Variants in ADAM12 observed in about 807,000 individuals in gnomAD.
ADAM12 encodes disintegrin and metalloproteinase domain-containing protein 12.
Under a neutral mutation model 106.4 loss-of-function variants are expected in ADAM12, and 70 were observed. That is an observed-to-expected ratio of 0.66 (90% confidence interval 0.54 to 0.80). ADAM12 has a LOEUF of 0.80. Ranked by LOEUF, ADAM12 falls within the 30% of genes least tolerant of loss-of-function variation. The pLI is 0.00. For missense variants in ADAM12, 1,010 were observed against 1,171.9 expected, an observed-to-expected ratio of 0.86 and a Z score of 2.02; for synonymous variants, 420 against 433.5, an observed-to-expected ratio of 0.97 and a Z score of 0.39.
chr10:126,356,898 C>T (rs1228913849), intron 1 of ADAM12, among the ~76,000 whole-genome samples: 1 of 151,966 alleles, frequency 6.6e-6, no homozygotes, highest in Non-Finnish European at 1.5e-5. Context: ...AGAATTGAAG[C>T]AGATAATTTA....
At chr10:126,102,560 C>T (rs1955687326) in intron 8 of ADAM12, among the ~76,000 whole-genome samples, 1 of 152,230 alleles carries the variant, frequency 6.6e-6, no homozygotes, top group African/African-American at 2.4e-5. Flanking sequence ...CATCTTTTCC[C>T]TTGCTGGTCC....
At chr10:126,231,447 A>G in intron 3 of ADAM12, among the ~76,000 whole-genome samples, 1 of 151,784 alleles carries the variant, frequency 6.6e-6, no homozygotes, top group Non-Finnish European at 1.5e-5. Context: ...TGTCTTAATA[A>G]TATCTACCCT....
intron 14 of ADAM12, among the ~76,000 whole-genome samples, chr10:126,050,195 C>A (rs1302169781): frequency 1.3e-5 from 2 of 152,080 alleles, no homozygotes; most frequent in South Asian, 2.1e-4. Flanking sequence ...CTTTTAATAC[C>A]TTCTATTTTA....
At chr10:126,369,079 T>C (rs1261417538) in intron 1 of ADAM12, among the ~76,000 whole-genome samples, 3 of 152,242 alleles carry the variant, frequency 2.0e-5, no homozygotes, top group Non-Finnish European at 4.4e-5. Context: ...CACTAATATA[T>C]ACTAACTACC....
Position 126,049,653 on chromosome 10 carries a change from A to T in ADAM12, c.1626T>A (p.Pro542=). 6.2e-7 allele frequency: 1 copy of T among 1,614,172 alleles called. No individual in the cohort carries two copies. ...AATTGACTCTCTCAAAGCAGATCCC[A>T]GGGGCAGGTTTAGCACCTGAAACAG... The part of the protein sequence containing the change: ...TLWGPGAKPA[P]GICFERVNSA... The change falls in exon 15 of 23, where the codon CCT becomes CCA. Residue 542 remains proline (P), a synonymous_variant. Transcript: ENST00000448723. The surrounding 1 kb of genome is among the most constrained non-coding windows in gnomAD (Gnocchi z 4.4).
intron 3 of ADAM12, among the ~76,000 whole-genome samples, chr10:126,222,782 T>C (rs1235187117): frequency 6.6e-6 from 1 of 152,192 alleles, no homozygotes; most frequent in African/African-American, 2.4e-5. Context: ...TTCACACTTT[T>C]ATAGATCCAG....
intron 14 of ADAM12, among the ~76,000 whole-genome samples, chr10:126,061,945 C>T (rs554747733): frequency 4.6e-5 from 7 of 152,212 alleles, no homozygotes; most frequent in South Asian, 2.1e-4. Flanking sequence ...GCGGAAACAC[C>T]GACAAGGGGA....
At chr10:126,020,648 T>C (rs1026238359) in intron 21 of ADAM12, among the ~76,000 whole-genome samples, 1 of 152,166 alleles carries the variant, frequency 6.6e-6, no homozygotes, top group African/African-American at 2.4e-5. Flanking sequence ...ATAATAGTTA[T>C]TAATATCAGC....
At position 126,238,250 on chromosome 10, in the gene ADAM12, C is replaced by T. The variant is rs191926145; in HGVS notation, c.260+40665G>A. On this transcript the variant is annotated intron_variant, in intron 3 of 22. Transcript: ENST00000448723. ...ATCTCACCACATTGTGAGGCCAAGGCAGGTGGATCACCTGAGGTGAGGAGT... is the reference window on the plus strand; with the variant it reads ...ATCTCACCACATTGTGAGGCCAAGGTAGGTGGATCACCTGAGGTGAGGAGT... Among the ~76,000 whole-genome samples the T allele has an allele frequency of 2.1e-3, 314 of 152,284 alleles. 2 individuals are homozygous for T. The highest frequency in any genetic ancestry group is 7.4e-3 in the African/African-American group (306 of 41,558).
chr10:126,372,335 T>C (rs1856138624), intron 1 of ADAM12, among the ~76,000 whole-genome samples: 1 of 152,076 alleles, frequency 6.6e-6, no homozygotes, highest in Admixed American at 6.6e-5. Flanking sequence ...CAAAACACAT[T>C]CCCCAACCTC....
At chr10:126,350,638 T>G (rs1363620494) in intron 1 of ADAM12, among the ~76,000 whole-genome samples, 2 of 152,256 alleles carry the variant, frequency 1.3e-5, no homozygotes, top group African/African-American at 2.4e-5. Context: ...GTGGCAGTCT[T>G]GTGTCGGATG....
At chr10:126,031,092 G>GA (rs1215432084) in intron 21 of ADAM12, among the ~76,000 whole-genome samples, 1 of 152,184 alleles carries the variant, frequency 6.6e-6, no homozygotes, top group Non-Finnish European at 1.5e-5. Flanking sequence ...GAGGACTGTG[G>GA]AGAGGTCTTA....
chr10:126,201,636 T>TG (rs560504149), intron 3 of ADAM12, among the ~76,000 whole-genome samples: 191 of 152,064 alleles, frequency 1.3e-3, no homozygotes, highest in African/African-American at 4.4e-3. Context: ...CCCTGGGAGA[T>TG]GGGGAACTGG....
At chr10:126,028,819 A>G (rs113924539) in intron 21 of ADAM12, among the ~76,000 whole-genome samples, 5,796 of 151,920 alleles carry the variant, frequency 0.038, 380 homozygotes, top group African/African-American at 0.13. Context: ...GCAGCAAAAG[A>G]AACACAGAAT....
At chr10:126,234,882 G>A (rs1958384069) in intron 3 of ADAM12, among the ~76,000 whole-genome samples, 1 of 152,204 alleles carries the variant, frequency 6.6e-6, no homozygotes, top group Non-Finnish European at 1.5e-5. Flanking sequence ...CCATCTCAGG[G>A]TCAAAGGGGC....
chr10:126,187,912 G>T (rs2133796369), intron 3 of ADAM12, among the ~76,000 whole-genome samples: 1 of 152,338 alleles, frequency 6.6e-6, no homozygotes, highest in South Asian at 2.1e-4. Context: ...TGACATTCCT[G>T]CAGATGACTG....
intron 3 of ADAM12, among the ~76,000 whole-genome samples, chr10:126,245,507 A>T (rs934391631): frequency 2.0e-5 from 3 of 152,162 alleles, no homozygotes; most frequent in Non-Finnish European, 4.4e-5. Flanking sequence ...AGGACTGGGC[A>T]GTGGGCAGGA....
At chr10:126,116,789 T>C (rs1366094458) in intron 6 of ADAM12, among the ~76,000 whole-genome samples, 1 of 152,150 alleles carries the variant, frequency 6.6e-6, no homozygotes, top group Non-Finnish European at 1.5e-5. Context: ...CTGGTTCCGA[T>C]AAGAGCAGTT....
intron 4 of ADAM12, among the ~76,000 whole-genome samples, chr10:126,135,899 C>T (rs930455049): frequency 2.6e-5 from 4 of 152,224 alleles, no homozygotes; most frequent in African/African-American, 9.6e-5. Flanking sequence ...TCACTCTTGT[C>T]TCTCTGGCAC....
Sources: gnomAD v4.1 joint callset for allele counts (sites outside exome capture counted in the v4.1 genomes callset) on GRCh38, gnomAD v4.1.1 for gene constraint, Gnocchi (gnomAD v3.1) non-coding constraint, MANE v1.5 for transcripts, NCBI Gene and HGNC (gene_info 2026-07-23, HGNC 2026-07-21) for gene names.